The following SPACA7 variants were observed in gnomAD, a reference collection of about 807,000 sequenced individuals.
SPACA7 encodes the protein sperm acrosome-associated protein 7.
In SPACA7, 19 loss-of-function variants were observed where a neutral mutation model predicts 26.3. The observed-to-expected ratio is 0.72, with a 90% CI of 0.50 to 1.06. The LOEUF (loss-of-function observed/expected upper bound fraction) is 1.06. Ranked by LOEUF, SPACA7 falls within the 50% of genes least tolerant of loss-of-function variation. The pLI is 0.00. For missense variants in SPACA7, 211 were observed against 229.9 expected (o/e 0.92, Z 0.53); for synonymous variants, 84 against 84.5 (o/e 0.99, Z 0.04).
chr13:112,395,502 C>G (rs187881512), intron 2 of SPACA7, among the ~76,000 whole-genome samples: 1 of 152,226 alleles, frequency 6.6e-6, no homozygotes, highest in Non-Finnish European at 1.5e-5. Flanking sequence ...GAGTCTCACA[C>G]TCTTGCCACC....
Position 112,393,169 on chromosome 13 carries a change from T to G in SPACA7, c.151+92T>G, listed in dbSNP as rs1489630823. 9 of 1,003,434 alleles carry G rather than the reference T, an allele frequency of 9.0e-6. No homozygotes were observed. The Admixed American group carries it at 1.1e-4, about 13-fold the overall frequency. 62.2% of individuals were successfully genotyped at this position (1,003,434 alleles called of 1,614,324 possible). ...GTTTCCCAGATAACCTGGTACCAAC[T>G]GCAGACAGTGGAGGGAACTGATTGG... On this transcript the variant is annotated intron_variant, in intron 2 of 6. Transcript: ENST00000283550.
Position 112,408,257 on chromosome 13 carries a change from A to G in SPACA7, c.445+7093A>G, listed in dbSNP as rs551822699. Among the ~76,000 whole-genome samples the G allele has an allele frequency of 7.2e-5, 11 of 152,312 alleles. No individual in the cohort carries two copies. In the East Asian group the frequency reaches 1.7e-3, roughly 24 times the overall value. On this transcript the variant is annotated intron_variant, in intron 5 of 6. Coordinates refer to ENST00000283550, the MANE Select transcript of SPACA7 (RefSeq NM_145248.5). ...ACTATTTATGACAAACCCACAGCCA[A>G]TATCATACTGAATGGGCAAAAACTG...
chr13:112,406,771 G>T (rs999554653), intron 5 of SPACA7, among the ~76,000 whole-genome samples: 2 of 152,120 alleles, frequency 1.3e-5, no homozygotes, highest in Non-Finnish European at 2.9e-5. Flanking sequence ...ATAAAATTAT[G>T]TGGATTGTGT....
rs1219736622 is a variant in SPACA7, at chr13:112,407,599, A to G, written c.445+6435A>G. On this transcript the variant is annotated intron_variant, in intron 5 of 6. Transcript: ENST00000283550. ...AGAATACTCTAAACACCTCTACGCA[A>G]ATAAACTAGAAAATCTAGAAGAAAT... 2.6e-5 allele frequency among the ~76,000 whole-genome samples: 4 copies of G among 152,220 alleles called. No homozygotes were observed. In the East Asian group the frequency reaches 5.8e-4, roughly 22 times the overall value.
chr13:112,382,143 C>T (rs1462125572), intron 1 of SPACA7: 3 of 324,914 alleles, frequency 9.2e-6, no homozygotes, highest in Non-Finnish European at 1.7e-5. Context: ...ATGTTAGAAG[C>T]AAGAGGGAGT....
chr13:112,432,411 G>A, intron 5 of SPACA7, 33 bp from the exon 6 acceptor site: 3 of 1,509,646 alleles, frequency 2.0e-6, no homozygotes, highest in Non-Finnish European at 2.8e-6. Flanking sequence ...TATTTACAAA[G>A]AGTGATCATT....
rs1437758497 is a variant in SPACA7 at position 112,430,170 on chromosome 13, C to CTG, written c.446-2273_446-2272insGT. On this transcript the variant is annotated intron_variant, in intron 5 of 6. Transcript: ENST00000283550. ...GGCTCAAGGCATCCCTTGCATCTCT[C>CTG]TCTCTGTGTGTGTGTGTGTGTGTGT... 8.8e-3 allele frequency among the ~76,000 whole-genome samples: 1,018 copies of CTG among 115,118 alleles called. 11 individuals carry two copies. The highest frequency in any genetic ancestry group is 0.029 in the African/African-American group (791 of 26,842). 75.5% of individuals were successfully genotyped at this position (115,118 alleles called of 152,430 possible).
chr13:112,424,851 T>C (rs1335565576), intron 5 of SPACA7, among the ~76,000 whole-genome samples: 1 of 152,098 alleles, frequency 6.6e-6, no homozygotes, highest in Non-Finnish European at 1.5e-5. Context: ...GGGCTGCAGG[T>C]ATTTCTCGGT....
At chr13:112,378,598 C>G in intron 1 of SPACA7, 1 of 459,568 alleles carries the variant, frequency 2.2e-6, no homozygotes, top group Non-Finnish European at 4.5e-6. Context: ...CATCAGACTT[C>G]ACATGTGGTA....
chr13:112,402,948 G>A (rs1328949975), intron 5 of SPACA7, among the ~76,000 whole-genome samples: 1 of 151,898 alleles, frequency 6.6e-6, no homozygotes, highest in East Asian at 1.9e-4. Context: ...CTAGTCTATG[G>A]TTGGGGTTTT....
At chr13:112,397,613 T>C (rs1885357848) in intron 2 of SPACA7, among the ~76,000 whole-genome samples, 1 of 152,090 alleles carries the variant, frequency 6.6e-6, no homozygotes, top group South Asian at 2.1e-4. Context: ...AAAATCTCCC[T>C]AGGAGAACCC....
intron 5 of SPACA7, among the ~76,000 whole-genome samples, chr13:112,430,818 GA>G (rs1220490336): frequency 6.6e-6 from 1 of 152,196 alleles, no homozygotes; most frequent in Non-Finnish European, 1.5e-5. Flanking sequence ...CCAAGGGCTA[GA>G]GATTACAAAT....
At chr13:112,395,623 A>G (rs1289728776) in intron 2 of SPACA7, among the ~76,000 whole-genome samples, 1 of 151,886 alleles carries the variant, frequency 6.6e-6, no homozygotes, top group Non-Finnish European at 1.5e-5. Context: ...GATGTGCACC[A>G]CCTCACCCAG....
intron 5 of SPACA7, among the ~76,000 whole-genome samples, chr13:112,423,989 G>C (rs945223150): frequency 2.0e-5 from 3 of 152,190 alleles, no homozygotes; most frequent in Non-Finnish European, 1.5e-5. Context: ...AATAGACTTT[G>C]CTGGAAAAGG....
At position 112,434,522 on chromosome 13, in the gene SPACA7, A is replaced by G. The variant is rs751322823; in HGVS notation, c.561A>G (p.Ala187=). 15 of 1,610,208 alleles carry G rather than the reference A, an allele frequency of 9.3e-6. No individual in the cohort carries two copies. In the Admixed American group the frequency reaches 1.8e-4, roughly 20 times the overall value. Residue 187 remains alanine, a synonymous_variant, in exon 7 of 7, where the codon GCA becomes GCG. Transcript: ENST00000283550. The part of the protein sequence containing the change: ...IFHKEQQRTS[A]QRRSQGSQ ...ATAAAGAGCAGCAGAGGACCAGCGC[A>G]CAGAGGAGGAGCCAAGGCAGTCAGT... is the stretch of plus-strand genomic sequence containing the variant.
At chr13:112,390,874 A>G (rs1399925544) in intron 1 of SPACA7, among the ~76,000 whole-genome samples, 1 of 152,224 alleles carries the variant, frequency 6.6e-6, no homozygotes, top group Non-Finnish European at 1.5e-5. Context: ...TCAGCCTCTG[A>G]CATCCAAAGG....
At chr13:112,429,410 T>C (rs1160161220) in intron 5 of SPACA7, among the ~76,000 whole-genome samples, 3 of 152,102 alleles carry the variant, frequency 2.0e-5, no homozygotes, top group Non-Finnish European at 4.4e-5. Context: ...AATGACTCTT[T>C]TATTCCTAGT....
chr13:112,432,720 G>C (rs1283086241), intron 6 of SPACA7, among the ~76,000 whole-genome samples, 199 bp downstream of exon 6: 1 of 152,192 alleles, frequency 6.6e-6, no homozygotes, highest in Non-Finnish European at 1.5e-5. Flanking sequence ...AAGGAGTCAA[G>C]GCCCGTGTCA....
At chr13:112,402,009 GT>G (rs993391389) in intron 5 of SPACA7, among the ~76,000 whole-genome samples, 6 of 152,032 alleles carry the variant, frequency 3.9e-5, no homozygotes, top group African/African-American at 1.4e-4. Context: ...CCCTCTTTTA[GT>G]TTTTTTAGCT....
Sources: allele counts gnomAD v4.1 joint callset (sites outside exome capture counted in the v4.1 genomes callset), GRCh38; gene constraint gnomAD v4.1.1; transcripts MANE v1.5; gene names NCBI Gene and HGNC (gene_info 2026-07-23, HGNC 2026-07-21).